BCL2L13: variants seen among roughly 807,000 people sequenced by gnomAD.
The protein encoded by BCL2L13 is bcl-2-like protein 13.
Under a neutral mutation model 25.8 loss-of-function variants are expected in BCL2L13, and 13 were observed. The ratio of observed to expected loss-of-function variants is 0.50; its 90% CI spans 0.33 to 0.80. The LOEUF is 0.80. BCL2L13 is among the 30% of genes least tolerant of loss of function. BCL2L13 has a pLI of 0.02. For missense variants in BCL2L13, 504 were observed against 574.9 expected (o/e 0.88, Z 1.26); for synonymous variants, 244 against 230.3 (o/e 1.06, Z -0.54).
upstream of BCL2L13, among the ~76,000 whole-genome samples, chr22:17,636,892 G>A (rs1456248180): frequency 6.6e-6 from 1 of 152,218 alleles, no homozygotes; most frequent in Non-Finnish European, 1.5e-5. Flanking sequence ...GGTAACATAA[G>A]TACCTCCCAA....
chr22:17,722,413 G>GTGTGTGTGTA (rs1569017669), intron 6 of BCL2L13, among the ~76,000 whole-genome samples: 77 of 151,334 alleles, frequency 5.1e-4, no homozygotes, highest in African/African-American at 1.8e-3. Context: ...GTGTGTGTGT[G>GTGTGTGTGTA]TGTGTGTATG....
intron 2 of BCL2L13, among the ~76,000 whole-genome samples, chr22:17,661,342 C>T (rs1193502409): frequency 6.9e-6 from 1 of 145,870 alleles, no homozygotes; most frequent in South Asian, 2.1e-4. Context: ...CCACCTGCCT[C>T]AGCCTCCCAA....
upstream of BCL2L13, chr22:17,638,068 A>C (rs1286090864): frequency 1.3e-5 from 2 of 152,144 alleles, no homozygotes; most frequent in Admixed American, 6.6e-5. Flanking sequence ...GGGCAATTTG[A>C]TCTCCCTAAA....
chr22:17,684,888 A>G (rs948790530), intron 3 of BCL2L13, among the ~76,000 whole-genome samples: 12 of 151,850 alleles, frequency 7.9e-5, no homozygotes, highest in African/African-American at 2.7e-4. Flanking sequence ...GCCTGCCACC[A>G]CACCCGACTA....
intron 6 of BCL2L13, among the ~76,000 whole-genome samples, chr22:17,705,507 C>T (rs937997507): frequency 1.3e-5 from 2 of 151,812 alleles, no homozygotes; most frequent in South Asian, 2.1e-4. Context: ...CTGTGTTAGC[C>T]AGGATGGTCT....
Position 17,726,978 on chromosome 22 carries a change from A to C in BCL2L13, c.902A>C (p.Asn301Thr). 6.2e-7 allele frequency: 1 copy of C among 1,614,094 alleles called. No homozygotes were observed. The highest frequency in any genetic ancestry group is 8.5e-7 in the Non-Finnish European group (1 of 1,180,008). Residue 301 changes from asparagine to threonine, a missense_variant, in exon 7 of 7, where the codon AAC (asparagine) becomes ACC (threonine). By Grantham distance (65) the Asn-to-Thr change is moderately conservative. Transcript: ENST00000317582. ...GGAGCTGGAGAGAAGAGTGAGAACA[A>C]CTCCTCTAATTCTGACATTGTGCAC... ...SNGAGEKSEN[N>T]SSNSDIVHVE...
At chr22:17,721,949 C>T (rs942760090) in intron 6 of BCL2L13, among the ~76,000 whole-genome samples, 2 of 152,098 alleles carry the variant, frequency 1.3e-5, no homozygotes, top group Non-Finnish European at 2.9e-5. Context: ...CATGAGCCAC[C>T]GCGCCCGGCC....
chr22:17,711,350 C>T (rs917852191), intron 6 of BCL2L13, among the ~76,000 whole-genome samples: 7 of 132,378 alleles, frequency 5.3e-5, no homozygotes, highest in Non-Finnish European at 9.4e-5. Context: ...CAGGCTGGAG[C>T]GCAGTGGCAC....
chr22:17,698,804 G>C (rs1306916353), intron 5 of BCL2L13, among the ~76,000 whole-genome samples: 1 of 152,034 alleles, frequency 6.6e-6, no homozygotes, highest in Non-Finnish European at 1.5e-5. Context: ...TTTCTTTCCT[G>C]CTCCTCCCAG....
chr22:17,695,330 G>A (rs146809735), intron 4 of BCL2L13, among the ~76,000 whole-genome samples: 37 of 152,232 alleles, frequency 2.4e-4, no homozygotes, highest in African/African-American at 8.7e-4. Flanking sequence ...GTAACGTTCA[G>A]CCTTCCCTGA....
At position 17,727,346 on chromosome 22, in the gene BCL2L13, G is replaced by A; in HGVS notation, c.1270G>A (p.Glu424Lys). Residue 424 changes from glutamate to lysine, a missense_variant, in exon 7 of 7, where the codon GAG (glutamate) becomes AAG (lysine). Glu to Lys is a moderately conservative substitution (Grantham distance 56). Transcript: ENST00000317582. ...INAREESLVE[E>K]LSPASEKKPV... Reference sequence around the variant, plus strand: ...CGCAAGGGAAGAGAGCCTTGTGGAAGAGCTGTCCCCTGCCAGCGAGAAGAA... The same window carrying A: ...CGCAAGGGAAGAGAGCCTTGTGGAAAAGCTGTCCCCTGCCAGCGAGAAGAA... 1.2e-6 allele frequency: 2 copies of A among 1,614,236 alleles called. No homozygotes were observed. The highest frequency in any genetic ancestry group is 1.7e-6 in the Non-Finnish European group (2 of 1,180,046).
intron 2 of BCL2L13, among the ~76,000 whole-genome samples, chr22:17,678,513 C>T (rs2059639498): frequency 6.6e-6 from 1 of 152,146 alleles, no homozygotes; most frequent in Non-Finnish European, 1.5e-5. Flanking sequence ...GTCAGACTCA[C>T]CAGAGTTCCA....
At chr22:17,654,547 C>T (rs577626453) in intron 1 of BCL2L13, among the ~76,000 whole-genome samples, 1 of 151,890 alleles carries the variant, frequency 6.6e-6, no homozygotes, top group African/African-American at 2.4e-5. Context: ...CTCAGCCTCC[C>T]GAGTAGCTGG....
intron 1 of BCL2L13, among the ~76,000 whole-genome samples, chr22:17,651,723 C>T (rs776698908): frequency 1.3e-5 from 2 of 151,586 alleles, no homozygotes; most frequent in African/African-American, 2.4e-5. Flanking sequence ...CGGAGTCTCA[C>T]TCTGTCGCCC....
intron 4 of BCL2L13, among the ~76,000 whole-genome samples, chr22:17,694,502 C>T (rs1047003009): frequency 6.7e-6 from 1 of 150,072 alleles, no homozygotes; most frequent in Admixed American, 6.6e-5. Flanking sequence ...TAGGTGACTC[C>T]ATTTAAAAAA....
intron 4 of BCL2L13, chr22:17,695,804 T>G: frequency 5.1e-6 from 1 of 194,240 alleles, no homozygotes; most frequent in Non-Finnish European, 1.1e-5. Context: ...AATGAGATCA[T>G]TTTTGTTATT....
intron 1 of BCL2L13, among the ~76,000 whole-genome samples, chr22:17,641,222 C>G (rs2058270837): frequency 6.6e-6 from 1 of 152,166 alleles, no homozygotes; most frequent in Admixed American, 6.6e-5. Context: ...TGAAATACTT[C>G]AGGCATACAA....
chr22:17,634,829 T>C (rs917857314), upstream of BCL2L13, among the ~76,000 whole-genome samples: 2 of 151,964 alleles, frequency 1.3e-5, no homozygotes, highest in Admixed American at 6.6e-5. Flanking sequence ...ATGCCTGTAG[T>C]CCTTGCTACT....
At chr22:17,702,143 TTAA>T (rs2060455995) in intron 5 of BCL2L13, 97 bp from the exon 6 acceptor site, 1 of 948,340 alleles carries the variant, frequency 1.1e-6, no homozygotes, top group Non-Finnish European at 1.6e-6. Flanking sequence ...TAAAAATACC[TTAA>T]TGATGCATTT....
Sources: gnomAD v4.1 joint callset for allele counts (sites outside exome capture counted in the v4.1 genomes callset) on GRCh38, gnomAD v4.1.1 for gene constraint, MANE v1.5 for transcripts, NCBI Gene and HGNC (gene_info 2026-07-23, HGNC 2026-07-21) for gene names.